Variants in TAS2R16 observed in about 807,000 individuals in gnomAD.
The protein encoded by TAS2R16 is taste receptor type 2 member 16.
In TAS2R16, 5 loss-of-function variants were observed where a neutral mutation model predicts 5.0. That is an observed-to-expected ratio of 1.00 (90% CI 0.52 to 2.11). The LOEUF (loss-of-function observed/expected upper bound fraction) is 2.11, where lower values mean the gene tolerates loss of function less well. TAS2R16 is among the 30% of genes most tolerant of loss of function. The pLI is 0.01. For synonymous variants in TAS2R16, 142 were observed against 123.3 expected (o/e 1.15, Z -1.00); for missense variants, 363 against 341.3 (o/e 1.06, Z -0.50).
chr7:122,995,477 C>T lies in TAS2R16; in HGVS notation c.158G>A (p.Gly53Asp), dbSNP rs1199120236. The stretch of plus-strand genomic sequence containing the variant: ...CCACTGTAGACAGAAGCGAGAGATG[C>T]CCAGGCTGATGAGAATCATGTCCAC... ...MPVDMILISLGISRFCLQWAS... is the reference protein window; with the variant it reads ...MPVDMILISLDISRFCLQWAS... The change falls in exon 1 of 1, where the codon GGC (glycine) becomes GAC (aspartate). Residue 53 changes from glycine (G) to aspartate (D), a missense_variant. Coordinates refer to ENST00000249284, the MANE Select transcript of TAS2R16 (RefSeq NM_016945.3). 2 of 1,613,720 alleles carry T rather than the reference C, an allele frequency of 1.2e-6. No homozygotes were observed. The highest frequency in any genetic ancestry group is 1.7e-6 in the Non-Finnish European group (2 of 1,179,830).
Position 122,995,481 on chromosome 7 carries a change from G to C in TAS2R16, c.154C>G (p.Leu52Val), listed in dbSNP as rs778179549. The C allele has an allele frequency of 6.2e-7, 1 of 1,613,790 alleles. No homozygotes were observed. The highest frequency in any genetic ancestry group is 8.5e-7 in the Non-Finnish European group (1 of 1,179,840). Residue 52 changes from leucine (L) to valine (V), a missense_variant, in exon 1 of 1, where the codon CTG becomes GTG. Leu to Val is a conservative substitution (Grantham distance 32). Coordinates refer to ENST00000249284, the MANE Select transcript of TAS2R16 (RefSeq NM_016945.3). ...TGTAGACAGAAGCGAGAGATGCCCAGGCTGATGAGAATCATGTCCACAGGC... is the reference window on the plus strand; with the variant it reads ...TGTAGACAGAAGCGAGAGATGCCCACGCTGATGAGAATCATGTCCACAGGC... ...LMPVDMILIS[L>V]GISRFCLQWA... is the part of the protein sequence containing the mutation.
In TAS2R16 at chr7:122,994,770, C is replaced by T. The variant is rs532916622; in HGVS notation, c.865G>A (p.Gly289Arg). The T allele has an allele frequency of 2.0e-5, 32 of 1,567,754 alleles. No individual in the cohort carries two copies. Among genetic ancestry groups the T allele is most frequent in the Non-Finnish European group, 2.4e-5 (28 of 1,161,004 alleles). The change falls in exon 1 of 1, where the codon GGA (glycine) becomes AGA (arginine). Residue 289 changes from glycine to arginine, a missense_variant. Gly to Arg is a moderately radical substitution (Grantham distance 125). Transcript: ENST00000249284. ...GGCAACCTCTAGGCCTAGCACTTTC[C>T]CTTTAGAATCCTTTTCAACGTAGGG... Reference protein sequence around the residue: ...SSPTLKRILKGKC With the variant: ...SSPTLKRILKRKC
In TAS2R16 at chr7:122,995,411, T is replaced by C; in HGVS notation, c.224A>G (p.Asn75Ser). The C allele has an allele frequency of 1.2e-6, 2 of 1,613,620 alleles. No individual in the cohort carries two copies. The highest frequency in any genetic ancestry group is 1.7e-6 in the Non-Finnish European group (2 of 1,179,820). Residue 75 changes from asparagine (N) to serine (S), a missense_variant, in exon 1 of 1, where the codon AAT (asparagine) becomes AGT (serine). Coordinates refer to ENST00000249284, the MANE Select transcript of TAS2R16 (RefSeq NM_016945.3). Reference protein sequence around the residue: ...LNNFCSYFNLNYVLCNLTITW... With the variant: ...LNNFCSYFNLSYVLCNLTITW... ...GATTGTTAAGTTGCAAAGTACATAA[T>C]TCAAATTAAAATAGGAGCAAAAATT...
At position 122,995,461 on chromosome 7, in the gene TAS2R16, A is replaced by C; in HGVS notation, c.174T>G (p.Cys58Trp). The C allele has an allele frequency of 6.2e-7, 1 of 1,613,796 alleles. No homozygotes were observed. Among genetic ancestry groups the C allele is most frequent in the South Asian group, 1.1e-5 (1 of 91,060 alleles). The change falls in exon 1 of 1, where the codon TGT (cysteine) becomes TGG (tryptophan). Residue 58 changes from cysteine (C) to tryptophan (W), a missense_variant. Coordinates refer to ENST00000249284, the MANE Select transcript of TAS2R16 (RefSeq NM_016945.3). ...TGTTCAGCATTGATGCCCACTGTAGACAGAAGCGAGAGATGCCCAGGCTGA... is the reference window on the plus strand; with the variant it reads ...TGTTCAGCATTGATGCCCACTGTAGCCAGAAGCGAGAGATGCCCAGGCTGA... ...ILISLGISRF[C>W]LQWASMLNNF...
Position 122,995,240 on chromosome 7 carries a change from C to T in TAS2R16, c.395G>A (p.Gly132Asp), listed in dbSNP as rs1360893310. ...TGTTACACAAGTAATCATCAGAGAA[C>T]CCAGTAATATCCAGGGAAACAACCT... Reference protein sequence around the residue: ...ILRLFPWILLGSLMITCVTII... With the variant: ...ILRLFPWILLDSLMITCVTII... The change falls in exon 1 of 1, where the codon GGT becomes GAT. Residue 132 changes from glycine (G) to aspartate (D), a missense_variant. Coordinates refer to ENST00000249284, the MANE Select transcript of TAS2R16 (RefSeq NM_016945.3). The T allele has an allele frequency of 1.2e-5, 20 of 1,613,664 alleles. No homozygotes were observed. Among genetic ancestry groups the T allele is most frequent in the Non-Finnish European group, 1.6e-5 (19 of 1,179,850 alleles).
At position 122,995,260 on chromosome 7, in the gene TAS2R16, C is replaced by A; in HGVS notation, c.375G>T (p.Leu125Phe). ...GAGAACCCAGTAATATCCAGGGAAA[C>A]AACCTCAAAATTCTCCACCTCAGCC... ...FLWLRWRILR[L>F]FPWILLGSLM... is the part of the protein sequence containing the mutation. Residue 125 changes from leucine to phenylalanine, a missense_variant, in exon 1 of 1, where the codon TTG becomes TTT. Leu to Phe is a conservative substitution (Grantham distance 22, BLOSUM62 0). Transcript: ENST00000249284. The A allele has an allele frequency of 5.0e-6, 8 of 1,613,686 alleles. No homozygotes were observed. The highest frequency in any genetic ancestry group is 1.7e-4 in the Middle Eastern group (1 of 6,060).
Position 122,994,861 on chromosome 7 carries a change from T to C in TAS2R16, c.774A>G (p.Leu258=). 6.2e-7 allele frequency: 1 copy of C among 1,613,654 alleles called. No individual in the cohort carries two copies. The highest frequency in any genetic ancestry group is 8.5e-7 in the Non-Finnish European group (1 of 1,179,756). ...IGTLFDKRCW[L]WVWEAFVYAF... The stretch of plus-strand genomic sequence containing the variant: ...CATAGACAAAAGCTTCCCAGACCCA[T>C]AACCAACATCTCTTATCAAATAGAG... Residue 258 remains leucine, a synonymous_variant, in exon 1 of 1, where the codon TTA becomes TTG. Transcript: ENST00000249284.
At position 122,994,726 on chromosome 7, in the gene TAS2R16, T is replaced by C. The variant is rs1190786443; in HGVS notation, c.*33A>G. The C allele has an allele frequency of 6.6e-7, 1 of 1,516,138 alleles. No homozygotes were observed. Among genetic ancestry groups the C allele is most frequent in the Admixed American group, 2.3e-5 (1 of 43,722 alleles). 93.9% of individuals were successfully genotyped at this position (1,516,138 alleles called of 1,614,324 possible). A position where few individuals can be genotyped will look rare whatever the true frequency, so the allele number is the denominator to read the frequency against. On this transcript the variant is annotated 3_prime_UTR_variant, in exon 1 of 1. Coordinates refer to ENST00000249284, the MANE Select transcript of TAS2R16 (RefSeq NM_016945.3). The stretch of plus-strand genomic sequence containing the variant: ...ATTAATTATATCAATTGCTCGGGAG[T>C]CTTTTATCCTGTGCCTCAGGCAACC...
At chr7:122,995,025 T>TA in the TAS2R16 span, 3 of 1,613,854 alleles carry the variant, frequency 1.9e-6, no homozygotes, top group Non-Finnish European at 2.5e-6. Context: ...ATCTGCTTGG[T>TA]CAGTGATGCC....
At chr7:122,994,771 CT>C in the TAS2R16 span, 1 of 1,570,282 alleles carries the variant, frequency 6.4e-7, no homozygotes. Context: ...AGCACTTTCC[CT>C]TTAGAATCCT....
Position 122,995,356 on chromosome 7 carries a change from G to C in TAS2R16, c.279C>G (p.Phe93Leu), listed in dbSNP as rs750305925. The C allele has an allele frequency of 3.1e-6, 5 of 1,613,644 alleles. No homozygotes were observed. In the South Asian group the frequency reaches 3.3e-5, roughly 11 times the overall value. ...ACACGGTAAGCAAGCTGTTTAACCAGAATGTAAGGATATTAAAAAATTCCC... is the reference window on the plus strand; with the variant it reads ...ACACGGTAAGCAAGCTGTTTAACCACAATGTAAGGATATTAAAAAATTCCC... Reference protein sequence around the residue: ...ITWEFFNILTFWLNSLLTVFY... With the variant: ...ITWEFFNILTLWLNSLLTVFY... The change falls in exon 1 of 1, where the codon TTC becomes TTG. Residue 93 changes from phenylalanine to leucine, a missense_variant. Coordinates refer to ENST00000249284, the MANE Select transcript of TAS2R16 (RefSeq NM_016945.3).
Position 122,994,903 on chromosome 7 carries a change from G to A in TAS2R16, c.732C>T (p.Leu244=). The stretch of plus-strand genomic sequence containing the variant: ...CAAATAGAGTACCTATAATGGTGAT[G>A]AGTATGGTTAGAAAGTAAGAGGTAA... The part of the protein sequence containing the change: ...IVFTSYFLTI[L]ITIIGTLFDK... The change falls in exon 1 of 1, where the codon CTC becomes CTT. Residue 244 remains leucine (L), a synonymous_variant. Transcript: ENST00000249284. 5.0e-6 allele frequency: 8 copies of A among 1,613,664 alleles called. No homozygotes were observed. The highest frequency in any genetic ancestry group is 6.8e-6 in the Non-Finnish European group (8 of 1,179,772).
At position 122,995,633 on chromosome 7, in the gene TAS2R16, ATTC is replaced by A. The variant is rs776945044; in HGVS notation, c.-2_1del. On this transcript the variant is annotated start_lost and start_retained_variant and 5_prime_UTR_variant, in exon 1 of 1. Coordinates refer to ENST00000249284, the MANE Select transcript of TAS2R16 (RefSeq NM_016945.3). ...GAAGACAGTGAGTTGGATGGGTATC[ATTC>A]TTCTACTCCAAAGTGTCTTCCTGGA... is the stretch of plus-strand genomic sequence containing the variant. 1.1e-4 allele frequency: 169 copies of A among 1,538,154 alleles called. No individual in the cohort carries two copies. In the Middle Eastern group the frequency reaches 3.0e-3, roughly 27 times the overall value.
rs1825961716 is a variant in TAS2R16, at chr7:122,995,597, A to G, written c.38T>C (p.Ile13Thr). The G allele has an allele frequency of 1.3e-6, 2 of 1,578,832 alleles. No individual in the cohort carries two copies. The highest frequency in any genetic ancestry group is 1.7e-6 in the Non-Finnish European group (2 of 1,163,540). The change falls in exon 1 of 1, where the codon ATC becomes ACC. Residue 13 changes from isoleucine (I) to threonine (T), a missense_variant. Transcript: ENST00000249284. Reference sequence around the variant, plus strand: ...AATTGTCAAGGACTCAAGCACATAGATGATCATGAAGAAGACAGTGAGTTG... The same window carrying G: ...AATTGTCAAGGACTCAAGCACATAGGTGATCATGAAGAAGACAGTGAGTTG... ...PIQLTVFFMIIYVLESLTIIV... is the reference protein window; with the variant it reads ...PIQLTVFFMITYVLESLTIIV...
Position 122,994,790 on chromosome 7 carries a change from G to A in TAS2R16, c.845C>T (p.Thr282Met), listed in dbSNP as rs755510148. ...HSTSLMLSSP[T>M]LKRILKGKC ...CTTTCCCTTTAGAATCCTTTTCAAC[G>A]TAGGGCTGCTCAGCATCAGTGAAGT... is the stretch of plus-strand genomic sequence containing the variant. Residue 282 changes from threonine to methionine, a missense_variant, in exon 1 of 1, where the codon ACG (threonine) becomes ATG (methionine). Thr to Met is a moderately conservative substitution (Grantham distance 81). Transcript: ENST00000249284. 2.5e-5 allele frequency: 40 copies of A among 1,593,040 alleles called. No individual in the cohort carries two copies. Among genetic ancestry groups the A allele is most frequent in the Admixed American group, 2.1e-4 (12 of 56,924 alleles).
Position 122,995,102 on chromosome 7 carries a change from A to G in TAS2R16, c.533T>C (p.Phe178Ser), listed in dbSNP as rs1825951038. 1.2e-6 allele frequency: 2 copies of G among 1,613,780 alleles called. No individual in the cohort carries two copies. Among genetic ancestry groups the G allele is most frequent in the Non-Finnish European group, 1.7e-6 (2 of 1,179,892 alleles). The change falls in exon 1 of 1, where the codon TTC becomes TCC. Residue 178 changes from phenylalanine (F) to serine (S), a missense_variant. Physicochemically the swap from Phe to Ser is radical, Grantham distance 155 (BLOSUM62 -2). Coordinates refer to ENST00000249284, the MANE Select transcript of TAS2R16 (RefSeq NM_016945.3). ...DKLENFHQYQ[F>S]QAHTVALVIP... ...AACCAATGCAACTGTATGAGCCTGG[A>G]ACTGATACTGATGAAAATTTTCAAG...
At chr7:122,994,994 TG>T in the TAS2R16 span, 1 of 1,613,802 alleles carries the variant, frequency 6.2e-7, no homozygotes, top group Non-Finnish European at 8.5e-7. Context: ...TGGATTGCAG[TG>T]ACCAGTGCTA....
the TAS2R16 span, chr7:122,995,262 AC>A: frequency 6.2e-7 from 1 of 1,613,780 alleles, no homozygotes; most frequent in Non-Finnish European, 8.5e-7. Context: ...CAGGGAAACA[AC>A]CTCAAAATTC....
rs1431822779 is a variant in TAS2R16 at position 122,995,424 on chromosome 7, A to G, written c.211T>C (p.Tyr71His). 2 of 1,613,730 alleles carry G rather than the reference A, an allele frequency of 1.2e-6. No individual in the cohort carries two copies. Among genetic ancestry groups the G allele is most frequent in the South Asian group, 1.1e-5 (1 of 91,060 alleles). Residue 71 changes from tyrosine to histidine, a missense_variant, in exon 1 of 1, where the codon TAT (tyrosine) becomes CAT (histidine). By Grantham distance (83) the Tyr-to-His change is moderately conservative. Coordinates refer to ENST00000249284, the MANE Select transcript of TAS2R16 (RefSeq NM_016945.3). ...WASMLNNFCSYFNLNYVLCNL... is the reference protein window; with the variant it reads ...WASMLNNFCSHFNLNYVLCNL... ...CAAAGTACATAATTCAAATTAAAAT[A>G]GGAGCAAAAATTGTTCAGCATTGAT...
Sources: allele counts gnomAD v4.1 joint callset, GRCh38; gene constraint gnomAD v4.1.1; transcripts MANE v1.5; gene names NCBI Gene and HGNC (gene_info 2026-07-23, HGNC 2026-07-21).